SGSM1: variants seen among roughly 807,000 people sequenced by gnomAD.
SGSM1 encodes the protein RUN and TBC1 domain containing 2.
A neutral mutation model predicts 133.8 loss-of-function variants in SGSM1; 73 were observed. The observed-to-expected ratio is 0.55, with a 90% CI of 0.45 to 0.66. SGSM1 has a LOEUF of 0.66. SGSM1 is among the 30% of genes least tolerant of loss of function. SGSM1 has a pLI of 0.00. For synonymous variants in SGSM1, 563 were observed against 573.0 expected (o/e 0.98, Z 0.25); for missense variants, 1,213 against 1,448.1 (o/e 0.84, Z 2.64).
At chr22:24,902,540 G>T (rs1933204731) in intron 20 of SGSM1, among the ~76,000 whole-genome samples, 1 of 152,022 alleles carries the variant, frequency 6.6e-6, no homozygotes, top group African/African-American at 2.4e-5. Context: ...TCAACATTTA[G>T]CTGGACATAG....
intron 2 of SGSM1, among the ~76,000 whole-genome samples, chr22:24,807,888 C>CGTGTGT (rs71189301): frequency 0.019 from 2,753 of 147,734 alleles, 57 homozygotes; most frequent in African/African-American, 0.06. Flanking sequence ...TATGTGCCTG[C>CGTGTGT]GTGTGTGTGT....
Position 24,853,114 on chromosome 22 carries a change from G to A in SGSM1, c.456-1882G>A, listed in dbSNP as rs992046136. ...GTTCTATACTTCCTCCCATTTTACA[G>A]CTGAGGACCAAAGCTCAGAGAGGGG... On this transcript the variant is annotated intron_variant, in intron 5 of 24. Transcript: ENST00000400358. 2.0e-5 allele frequency among the ~76,000 whole-genome samples: 3 copies of A among 152,196 alleles called. No homozygotes were observed. The South Asian group carries it at 6.2e-4, about 31-fold the overall frequency.
chr22:24,923,667 G>C (rs1009813239), intron 24 of SGSM1, among the ~76,000 whole-genome samples: 1 of 152,002 alleles, frequency 6.6e-6, no homozygotes, highest in Non-Finnish European at 1.5e-5. Flanking sequence ...TTGTTGCCCA[G>C]GCTGGAGTGC....
intron 2 of SGSM1, among the ~76,000 whole-genome samples, chr22:24,833,715 C>T (rs1929260367): frequency 6.6e-6 from 1 of 151,992 alleles, no homozygotes; most frequent in Non-Finnish European, 1.5e-5. Context: ...CAGTTAAGCC[C>T]ATAGCGATGG....
chr22:24,823,644 T>C (rs1371241564), intron 2 of SGSM1, among the ~76,000 whole-genome samples: 2 of 150,352 alleles, frequency 1.3e-5, no homozygotes, highest in Non-Finnish European at 1.5e-5. Context: ...AAAAAAAATA[T>C]TGTCTTGGCT....
intron 5 of SGSM1, among the ~76,000 whole-genome samples, chr22:24,851,455 A>G (rs1333053057): frequency 8.7e-6 from 1 of 114,992 alleles, no homozygotes; most frequent in African/African-American, 6.4e-5. Context: ...GGGGGGAGAG[A>G]GAGAGAGAGA....
chr22:24,854,461 G>A (rs566001325), intron 5 of SGSM1, among the ~76,000 whole-genome samples: 2 of 152,264 alleles, frequency 1.3e-5, no homozygotes, highest in East Asian at 3.9e-4. Context: ...CATGTGTTAA[G>A]GAGGTACATG....
rs771197190 is a variant in SGSM1 at position 24,924,205 on chromosome 22, C to T, written c.3213C>T (p.Asn1071=). 6.8e-6 allele frequency: 11 copies of T among 1,613,834 alleles called. No homozygotes were observed. The African/African-American group carries it at 1.5e-4, about 22-fold the overall frequency. Residue 1071 remains asparagine (N), a synonymous_variant, in exon 25 of 25, where the codon AAC becomes AAT. Coordinates refer to ENST00000400358, the MANE Select transcript of SGSM1 (RefSeq NM_001098497.3). ...TTTCAGAAATGGCTGAGCGACACAA[C>T]ACCAAGCAAGTCCTGAAGCTGGCGC... ...KFFNEMAERH[N]TKQVLKLARD...
At chr22:24,869,470 G>A (rs374564539) in intron 12 of SGSM1, among the ~76,000 whole-genome samples, 10 of 152,096 alleles carry the variant, frequency 6.6e-5, no homozygotes, top group East Asian at 3.9e-4. Context: ...GCAGTAAGCC[G>A]TGATTATGTC....
At chr22:24,834,054 A>G (rs985706064) in intron 2 of SGSM1, among the ~76,000 whole-genome samples, 6 of 152,216 alleles carry the variant, frequency 3.9e-5, no homozygotes, top group African/African-American at 1.4e-4. Flanking sequence ...TCTGCTCACT[A>G]TGAGGGAGGA....
intron 14 of SGSM1, among the ~76,000 whole-genome samples, chr22:24,883,470 G>T (rs1345208262): frequency 2.0e-5 from 3 of 152,144 alleles, no homozygotes; most frequent in Admixed American, 6.5e-5. Flanking sequence ...TCTGCCTCTA[G>T]CCTATGAATT....
intron 8 of SGSM1, 188 bp from the exon 9 acceptor site, chr22:24,859,528 C>G: frequency 5.3e-6 from 4 of 749,438 alleles, no homozygotes; most frequent in Non-Finnish European, 9.0e-6. Context: ...GGGAGGCTGG[C>G]TGCAAATGGC....
intron 14 of SGSM1, among the ~76,000 whole-genome samples, chr22:24,882,550 G>T (rs181796726): frequency 1.0e-3 from 154 of 152,088 alleles, no homozygotes; most frequent in African/African-American, 3.6e-3. Flanking sequence ...TAGCTATTTT[G>T]AAATATACAA....
In SGSM1 at chr22:24,898,545, G is replaced by A. The variant is rs769748291; in HGVS notation, c.2596G>A (p.Gly866Ser). The A allele has an allele frequency of 1.4e-5, 23 of 1,605,572 alleles. No individual in the cohort carries two copies. Among genetic ancestry groups the A allele is most frequent in the African/African-American group, 2.7e-5 (2 of 74,706 alleles). Residue 866 changes from glycine (G) to serine (S), a missense_variant, in exon 19 of 25, where the codon GGC becomes AGC. Coordinates refer to ENST00000400358, the MANE Select transcript of SGSM1 (RefSeq NM_001098497.3). ...ANEVSPVSSS[G>S]VTYSPELLDL... ...CGAGGTGTCCCCTGTGTCTTCCAGC[G>A]GCGTCACCTACTCTGTAAGTCACCA...
At chr22:24,820,292 A>C (rs756868406) in intron 2 of SGSM1, among the ~76,000 whole-genome samples, 18 of 152,088 alleles carry the variant, frequency 1.2e-4, no homozygotes, top group East Asian at 1.9e-4. Flanking sequence ...CAGGGTGATA[A>C]GGGGAGGCTC....
chr22:24,857,802 T>A (rs1644257942), intron 8 of SGSM1, among the ~76,000 whole-genome samples: 2 of 152,340 alleles, frequency 1.3e-5, no homozygotes, highest in South Asian at 4.1e-4. Context: ...AGCCTATGAC[T>A]GCTTTCAGGC....
intron 2 of SGSM1, among the ~76,000 whole-genome samples, chr22:24,808,011 C>G (rs1354215108): frequency 1.3e-5 from 2 of 152,100 alleles, no homozygotes; most frequent in East Asian, 3.8e-4. Context: ...TACATTGGAT[C>G]CCTCAGAAAG....
chr22:24,843,335 G>A (rs1429063977), intron 2 of SGSM1: 1 of 152,820 alleles, frequency 6.5e-6, no homozygotes, highest in African/African-American at 2.4e-5. Flanking sequence ...AGAGAAGGTG[G>A]ACAGGGATGC....
chr22:24,918,905 A>C (rs1933911368), intron 23 of SGSM1, among the ~76,000 whole-genome samples: 1 of 151,420 alleles, frequency 6.6e-6, no homozygotes, highest in Admixed American at 6.6e-5. Flanking sequence ...TACCTGGCTA[A>C]TTATTTTGTA....
Sources: gnomAD v4.1 joint callset for allele counts (sites outside exome capture counted in the v4.1 genomes callset) on GRCh38, gnomAD v4.1.1 for gene constraint, MANE v1.5 for transcripts, NCBI Gene and HGNC (gene_info 2026-07-23, HGNC 2026-07-21) for gene names.